Variants in KCNC3 observed in about 807,000 individuals in gnomAD.
KCNC3 encodes the protein voltage-gated potassium channel KCNC3.
A neutral mutation model predicts 43.9 loss-of-function variants in KCNC3; 22 were observed. The observed-to-expected ratio is 0.50, with a 90% CI of 0.36 to 0.72. KCNC3 has a LOEUF of 0.72. Ranked by LOEUF, KCNC3 falls within the 30% of genes least tolerant of loss-of-function variation. The probability of loss-of-function intolerance (pLI) is 0.00; values close to 1 mark genes in which losing one functional copy is unlikely to be tolerated. For synonymous variants in KCNC3, 492 were observed against 488.0 expected (o/e 1.01, Z -0.11); for missense variants, 829 against 1,073.8 (o/e 0.77, Z 3.19).
chr19:50,328,173 G>C, intron 1 of KCNC3, 40 bp downstream of exon 1: 7 of 1,112,252 alleles, frequency 6.3e-6, no homozygotes, highest in Non-Finnish European at 7.7e-6. Flanking sequence ...GCCTGGAGAG[G>C]CGGGGGTGGG....
upstream of KCNC3, chr19:50,329,597 G>A (rs2037158659): frequency 6.6e-6 from 1 of 152,356 alleles, no homozygotes; most frequent in African/African-American, 2.4e-5. Flanking sequence ...AAACAAAACA[G>A]ATCGCACGCC....
chr19:50,322,155 G>C (rs1040999868), intron 2 of KCNC3, among the ~76,000 whole-genome samples: 1 of 152,060 alleles, frequency 6.6e-6, no homozygotes, highest in Non-Finnish European at 1.5e-5. Flanking sequence ...GCAGTGCAGG[G>C]GGGGGCCACC....
intron 4 of KCNC3, 28 bp downstream of exon 4, chr19:50,320,195 G>A (rs1400088565): frequency 3.0e-5 from 10 of 331,548 alleles, no homozygotes; most frequent in South Asian, 1.2e-4. Context: ...CTGGGGGTCC[G>A]GGGGATCAGA....
chr19:50,332,962 C>G (rs1222012827), upstream of KCNC3, among the ~76,000 whole-genome samples: 1 of 152,150 alleles, frequency 6.6e-6, no homozygotes, highest in Non-Finnish European at 1.5e-5. This position sits in a 1 kb window ranked among gnomAD's most constrained non-coding sequence, Gnocchi z 5.8. Context: ...CCATTCGGAG[C>G]CTTGGTCTCT....
In KCNC3 at chr19:50,328,573, C is replaced by T; in HGVS notation, c.510G>A (p.Glu170=). ...TCTCGTCGATGCCCCAGAAGCCGAG[C>T]TCCTCCTCAAACAGGGGCCCGCACA... ...ADVCGPLFEE[E]LGFWGIDETD... Residue 170 remains glutamate, a synonymous_variant, in exon 1 of 5, where the codon GAG becomes GAA. Transcript: ENST00000477616. The T allele has an allele frequency of 1.9e-6, 3 of 1,611,100 alleles. No individual in the cohort carries two copies. Among genetic ancestry groups the T allele is most frequent in the Non-Finnish European group, 2.5e-6 (3 of 1,179,566 alleles).
At chr19:50,322,159 G>A (rs542480753) in intron 2 of KCNC3, among the ~76,000 whole-genome samples, 40 of 151,912 alleles carry the variant, frequency 2.6e-4, no homozygotes, top group Admixed American at 1.3e-4. Flanking sequence ...TGCAGGGGGG[G>A]GCCACCAGCC....
rs559168583 is a variant in KCNC3, at chr19:50,329,176, C to A, written c.-94G>T. On this transcript the variant is annotated 5_prime_UTR_variant, in exon 1 of 5. Coordinates refer to ENST00000477616, the MANE Select transcript of KCNC3 (RefSeq NM_004977.3). ...TTGGGTGGGAGGAGGAGCGAGGTAGCGGGGGCGTGGCTTAGGGGAGAGGAA... is the reference window on the plus strand; with the variant it reads ...TTGGGTGGGAGGAGGAGCGAGGTAGAGGGGGCGTGGCTTAGGGGAGAGGAA... 4.7e-3 allele frequency: 541 copies of A among 113,988 alleles called. 8 individuals carry two copies. Among genetic ancestry groups the A allele is most frequent in the African/African-American group, 0.031 (507 of 16,614 alleles). 7.1% of individuals were successfully genotyped at this position (113,988 alleles called of 1,614,324 possible).
At chr19:50,329,695 T>A (rs1312449240), upstream of KCNC3, 1 of 152,282 alleles carries the variant, frequency 6.6e-6, no homozygotes, top group Non-Finnish European at 1.5e-5. Context: ...ACGGTCCAGA[T>A]GAGACTGCAT....
At chr19:50,321,146 G>A (rs968351489) in intron 2 of KCNC3, among the ~76,000 whole-genome samples, 2 of 151,966 alleles carry the variant, frequency 1.3e-5, no homozygotes, top group African/African-American at 4.8e-5. Flanking sequence ...GCCAGGAAGG[G>A]TAGGACTGGG....
intron 1 of KCNC3, among the ~76,000 whole-genome samples, chr19:50,326,933 G>A (rs576610677): frequency 9.8e-4 from 148 of 151,400 alleles, no homozygotes; most frequent in Non-Finnish European, 1.8e-3. Context: ...GGGGGGGGAG[G>A]TTCGAGAAAG....
At chr19:50,319,660 C>G (rs1390331454) in intron 4 of KCNC3, among the ~76,000 whole-genome samples, 1 of 152,122 alleles carries the variant, frequency 6.6e-6, no homozygotes, top group African/African-American at 2.4e-5. Flanking sequence ...GTCTGTGCTC[C>G]CTCCATTTTA....
rs371799397 is a variant in KCNC3, at chr19:50,323,936, G to A, written c.1017C>T (p.Asn339=). 51 of 1,614,070 alleles carry A rather than the reference G, an allele frequency of 3.2e-5. No individual in the cohort carries two copies. The highest frequency in any genetic ancestry group is 6.7e-5 in the Admixed American group (4 of 60,002). ...IPGAPPENIT[N]VEVETEPFLT... ...GGAAGGGCTCCGTCTCCACCTCCAC[G>A]TTGGTGATGTTCTCCGGAGGTGCCC... The change falls in exon 2 of 5, where the codon AAC becomes AAT. Residue 339 remains asparagine, a synonymous_variant. Transcript: ENST00000477616.
At chr19:50,317,514 A>C (rs1291677608) in intron 4 of KCNC3, among the ~76,000 whole-genome samples, 3 of 152,098 alleles carry the variant, frequency 2.0e-5, no homozygotes, top group African/African-American at 7.2e-5. Flanking sequence ...GATGGATCAC[A>C]TACCTTCAGG....
In KCNC3 at chr19:50,328,885, G is replaced by T; in HGVS notation, c.198C>A (p.Ala66=). 9.2e-7 allele frequency: 1 copy of T among 1,087,932 alleles called. No individual in the cohort carries two copies. The highest frequency in any genetic ancestry group is 1.1e-6 in the Non-Finnish European group (1 of 895,474). 67.4% of individuals were successfully genotyped at this position (1,087,932 alleles called of 1,614,324 possible). A position where few individuals can be genotyped will look rare whatever the true frequency, so the allele number is the denominator to read the frequency against. ...CCGCCGGCAGCCCGGGGCATGGCTC[G>T]GCGCGCCGGTCCCCGGGCCCGCGGG... is the stretch of plus-strand genomic sequence containing the variant. ...PAPRGPGDRR[A]EPCPGLPAAA... Residue 66 remains alanine, a synonymous_variant, in exon 1 of 5, where the codon GCC becomes GCA. Transcript: ENST00000477616.
chr19:50,320,538 T>C (rs1463178755), intron 3 of KCNC3, 55 bp downstream of exon 3: 3 of 1,516,782 alleles, frequency 2.0e-6, no homozygotes, highest in Non-Finnish European at 2.7e-6. Flanking sequence ...CTCCCTCCCC[T>C]GGGCAGGGGA....
At chr19:50,322,898 T>C (rs1043026676) in intron 2 of KCNC3, 77 bp downstream of exon 2, 9 of 1,466,184 alleles carry the variant, frequency 6.1e-6, no homozygotes, top group Middle Eastern at 2.3e-4. Context: ...CCCCAGGTTC[T>C]CTGAACCCCG....
In KCNC3 at chr19:50,323,285, G is replaced by T; in HGVS notation, c.1668C>A (p.Pro556=). 6.2e-7 allele frequency: 1 copy of T among 1,609,584 alleles called. No individual in the cohort carries two copies. Among genetic ancestry groups the T allele is most frequent in the Non-Finnish European group, 8.5e-7 (1 of 1,179,986 alleles). The part of the protein sequence containing the change: ...YSLAMAKQKL[P]KKKNKHIPRP... Reference sequence around the variant, plus strand: ...GGGGGATGTGTTTGTTCTTCTTCTTGGGCAGCTTCTGCTTGGCCATGGCCA... The same window carrying T: ...GGGGGATGTGTTTGTTCTTCTTCTTTGGCAGCTTCTGCTTGGCCATGGCCA... The change falls in exon 2 of 5, where the codon CCC becomes CCA. Residue 556 remains proline, a synonymous_variant. Transcript: ENST00000477616.
chr19:50,314,847 G>A lies in KCNC3; in HGVS notation c.*1268C>T. ...CCCCGAGTCCCCCCACAGGGGGGAG[G>A]GGAGCGCTAAAGGATGGAGGGCAGG... On this transcript the variant is annotated 3_prime_UTR_variant, in exon 5 of 5. Coordinates refer to ENST00000477616, the MANE Select transcript of KCNC3 (RefSeq NM_004977.3). 1 of 341,216 alleles carries A rather than the reference G, an allele frequency of 2.9e-6. No individual in the cohort carries two copies. The highest frequency in any genetic ancestry group is 2.1e-5 in the South Asian group (1 of 47,030). The allele number at this position is 341,216 out of a possible 1,614,324, so 21.1% of individuals were successfully genotyped here.
chr19:50,332,648 C>T (rs2037200857), upstream of KCNC3, among the ~76,000 whole-genome samples: 1 of 152,122 alleles, frequency 6.6e-6, no homozygotes, highest in Non-Finnish European at 1.5e-5. This position sits in a 1 kb window ranked among gnomAD's most constrained non-coding sequence, Gnocchi z 5.8. Context: ...ACTGGACACT[C>T]AGCTATGTTC....
Sources: allele counts gnomAD v4.1 joint callset (sites outside exome capture counted in the v4.1 genomes callset), GRCh38; gene constraint gnomAD v4.1.1; non-coding constraint Gnocchi (gnomAD v3.1); transcripts MANE v1.5; gene names NCBI Gene and HGNC (gene_info 2026-07-23, HGNC 2026-07-21).